RANBP2: variants seen among roughly 807,000 people sequenced by gnomAD.
RANBP2 encodes the protein E3 SUMO-protein ligase RanBP2.
RANBP2 carries 57 observed loss-of-function variants against 303.6 expected under a neutral mutation model. The ratio of observed to expected loss-of-function variants is 0.19; its 90% CI spans 0.15 to 0.23. The LOEUF (loss-of-function observed/expected upper bound fraction) is 0.23. RANBP2 is among the 10% of genes least tolerant of loss of function. The pLI is 1.00. For missense variants in RANBP2, 3,138 were observed against 3,780.8 expected (o/e 0.83, Z 4.46); for synonymous variants, 1,167 against 1,301.5 (o/e 0.90, Z 2.23).
chr2:108,939,516 A>G, the RANBP2 span, among the ~76,000 whole-genome samples: 4 of 152,122 alleles, frequency 2.6e-5, no homozygotes, highest in Non-Finnish European at 4.4e-5. Flanking sequence ...TCCCAAGAAG[A>G]GATGATGGCT....
chr2:109,113,461 T>A, the RANBP2 span, among the ~76,000 whole-genome samples: 2 of 152,200 alleles, frequency 1.3e-5, no homozygotes, highest in Admixed American at 1.3e-4. Flanking sequence ...ATAAGAATGC[T>A]TGTGATTTTT....
intron 8 of RANBP2, among the ~76,000 whole-genome samples, chr2:108,747,565 T>A (rs1256393240): frequency 6.6e-6 from 1 of 152,222 alleles, no homozygotes; most frequent in Non-Finnish European, 1.5e-5. Context: ...GTCCTTAAAG[T>A]GACTTTCTAC....
the RANBP2 span, among the ~76,000 whole-genome samples, chr2:109,339,830 TCC>T: frequency 6.6e-6 from 1 of 152,170 alleles, no homozygotes; most frequent in Non-Finnish European, 1.5e-5. Flanking sequence ...ATCTGGACCC[TCC>T]TGGCCCAACG....
At chr2:108,886,651 G>A in the RANBP2 span, among the ~76,000 whole-genome samples, 2 of 151,894 alleles carry the variant, frequency 1.3e-5, no homozygotes, top group African/African-American at 4.8e-5. Context: ...TGACCTCATG[G>A]TCCATCTGCC....
chr2:109,705,600 C>T, the RANBP2 span, among the ~76,000 whole-genome samples: 1 of 152,202 alleles, frequency 6.6e-6, no homozygotes, highest in Non-Finnish European at 1.5e-5. Flanking sequence ...CCATGAGGTT[C>T]CATCCAGCTC....
At chr2:109,170,347 C>T in the RANBP2 span, among the ~76,000 whole-genome samples, 1 of 144,892 alleles carries the variant, frequency 6.9e-6, no homozygotes, top group African/African-American at 2.6e-5. Context: ...TCTCTCTTTC[C>T]TTTCTTTCTT....
the RANBP2 span, among the ~76,000 whole-genome samples, chr2:109,191,062 T>C: frequency 6.6e-6 from 1 of 152,044 alleles, no homozygotes; most frequent in South Asian, 2.1e-4. Flanking sequence ...GAGTCTAACC[T>C]CCTCTGTTGT....
chr2:109,174,743 A>C, the RANBP2 span, among the ~76,000 whole-genome samples: 1 of 152,218 alleles, frequency 6.6e-6, no homozygotes, highest in African/African-American at 2.4e-5. Context: ...TTTGGAGGAA[A>C]AGTTGGAAAT....
chr2:109,555,746 C>CTAATAAA, the RANBP2 span, among the ~76,000 whole-genome samples: 1 of 152,226 alleles, frequency 6.6e-6, no homozygotes, highest in Non-Finnish European at 1.5e-5. Flanking sequence ...CCTGTTCTTT[C>CTAATAAA]TACCCAATAA....
chr2:108,921,099 A>AC, the RANBP2 span, among the ~76,000 whole-genome samples: 1 of 151,842 alleles, frequency 6.6e-6, no homozygotes, highest in South Asian at 2.1e-4. Flanking sequence ...CCTGCGAATC[A>AC]CCCCCCTGAA....
the RANBP2 span, among the ~76,000 whole-genome samples, chr2:109,555,403 C>T: frequency 2.0e-5 from 3 of 152,158 alleles, no homozygotes; most frequent in African/African-American, 4.8e-5. Context: ...CCATGCTGTC[C>T]TGCTCATCCT....
At chr2:109,694,346 A>C in the RANBP2 span, among the ~76,000 whole-genome samples, 1 of 151,962 alleles carries the variant, frequency 6.6e-6, no homozygotes, top group Non-Finnish European at 1.5e-5. Flanking sequence ...AGCCCTCCCC[A>C]AAATCAGAAG....
chr2:109,365,874 T>C, the RANBP2 span, among the ~76,000 whole-genome samples: 2 of 152,228 alleles, frequency 1.3e-5, no homozygotes, highest in African/African-American at 2.4e-5. Context: ...CAACTTTCTT[T>C]ACAAAAGAAA....
the RANBP2 span, chr2:108,856,893 T>G: frequency 6.2e-7 from 1 of 1,613,198 alleles, no homozygotes; most frequent in South Asian, 1.1e-5. Context: ...CCAGTAATAT[T>G]AAGTCATCTA....
the RANBP2 span, among the ~76,000 whole-genome samples, chr2:109,357,759 G>A: frequency 1.3e-5 from 2 of 152,178 alleles, no homozygotes; most frequent in African/African-American, 4.8e-5. Flanking sequence ...TTAAAAAATA[G>A]GTGTTATATT....
chr2:109,526,930 C>T, the RANBP2 span, among the ~76,000 whole-genome samples: 20 of 152,094 alleles, frequency 1.3e-4, no homozygotes, highest in Middle Eastern at 3.2e-3. Flanking sequence ...GCACGAGGCT[C>T]GAGCCTGCCT....
chr2:109,103,798 C>CTT, the RANBP2 span, among the ~76,000 whole-genome samples: 9 of 144,482 alleles, frequency 6.2e-5, no homozygotes, highest in South Asian at 2.2e-4. Context: ...TTTTTCTTTT[C>CTT]TTTTTTTTTT....
the RANBP2 span, among the ~76,000 whole-genome samples, chr2:109,180,613 A>C: frequency 6.6e-6 from 1 of 152,160 alleles, no homozygotes; most frequent in African/African-American, 2.4e-5. Context: ...AATAAGTCTC[A>C]CGAGATCTGA....
chr2:109,063,933 C>A, the RANBP2 span, among the ~76,000 whole-genome samples: 41 of 151,936 alleles, frequency 2.7e-4, no homozygotes, highest in African/African-American at 9.9e-4. Flanking sequence ...TGGGCTTATT[C>A]TCATGATTGT....
Sources: gnomAD v4.1 joint callset for allele counts (sites outside exome capture counted in the v4.1 genomes callset) on GRCh38, gnomAD v4.1.1 for gene constraint, MANE v1.5 for transcripts, NCBI Gene and HGNC (gene_info 2026-07-23, HGNC 2026-07-21) for gene names.